The following SPMIP2 variants were observed in gnomAD, a reference collection of about 807,000 sequenced individuals.
SPMIP2 encodes the protein protein SPMIP2.
chr4:158,953,238 C>T, the SPMIP2 span, among the ~76,000 whole-genome samples: 3 of 152,154 alleles, frequency 2.0e-5, no homozygotes, highest in Non-Finnish European at 4.4e-5. Context: ...GCCCAGGGTC[C>T]CTGTGCTGTG....
the SPMIP2 span, among the ~76,000 whole-genome samples, chr4:159,082,636 C>T: frequency 6.6e-6 from 1 of 151,798 alleles, no homozygotes; most frequent in Non-Finnish European, 1.5e-5. Context: ...AAATATTAAG[C>T]AATTTTAGAA....
At chr4:158,990,781 T>C in the SPMIP2 span, among the ~76,000 whole-genome samples, 2 of 152,154 alleles carry the variant, frequency 1.3e-5, no homozygotes, top group Admixed American at 6.5e-5. Context: ...AAATACCTAA[T>C]GTAGATGATG....
At chr4:159,043,957 A>C in the SPMIP2 span, among the ~76,000 whole-genome samples, 4 of 152,232 alleles carry the variant, frequency 2.6e-5, no homozygotes, top group Admixed American at 2.0e-4. Flanking sequence ...ATAACATAAA[A>C]ACAGCTCTTA....
chr4:158,916,289 G>T, the SPMIP2 span, among the ~76,000 whole-genome samples: 1 of 152,132 alleles, frequency 6.6e-6, no homozygotes, highest in Non-Finnish European at 1.5e-5. Context: ...GGAAGTACTA[G>T]GAAAAAAAAT....
At chr4:158,929,457 C>A in the SPMIP2 span, among the ~76,000 whole-genome samples, 746 of 152,280 alleles carry the variant, frequency 4.9e-3, 3 homozygotes, top group South Asian at 0.02. Context: ...TCTATTTCTT[C>A]ATGCTTGCTT....
the SPMIP2 span, among the ~76,000 whole-genome samples, chr4:159,071,566 T>C: frequency 6.6e-6 from 1 of 152,076 alleles, no homozygotes; most frequent in Non-Finnish European, 1.5e-5. Flanking sequence ...TGAAAGAAAA[T>C]GAAGCAAGTA....
At chr4:158,901,999 A>AACTC in the SPMIP2 span, among the ~76,000 whole-genome samples, 1 of 151,918 alleles carries the variant, frequency 6.6e-6, no homozygotes, top group Non-Finnish European at 1.5e-5. Flanking sequence ...CAATTCATCA[A>AACTC]ACTCAATTCT....
the SPMIP2 span, among the ~76,000 whole-genome samples, chr4:159,080,144 G>A: frequency 4.6e-5 from 7 of 151,994 alleles, no homozygotes; most frequent in Non-Finnish European, 2.9e-5. Context: ...TTTTTCTCTC[G>A]CCTCTAGAAG....
At chr4:158,971,399 A>C in the SPMIP2 span, among the ~76,000 whole-genome samples, 3 of 152,214 alleles carry the variant, frequency 2.0e-5, no homozygotes, top group Admixed American at 2.0e-4. Flanking sequence ...CTAAGCATTC[A>C]TTATACTCAG....
the SPMIP2 span, among the ~76,000 whole-genome samples, chr4:158,898,967 T>C: frequency 6.6e-6 from 1 of 152,212 alleles, no homozygotes; most frequent in Non-Finnish European, 1.5e-5. Context: ...CAGTATGATA[T>C]TGGCTGTGGG....
chr4:159,018,483 T>G, the SPMIP2 span, among the ~76,000 whole-genome samples: 1 of 152,212 alleles, frequency 6.6e-6, no homozygotes, highest in South Asian at 2.1e-4. Context: ...AGTTTGCACT[T>G]TACATAATTT....
chr4:158,896,851 T>TTA, the SPMIP2 span, among the ~76,000 whole-genome samples: 2 of 138,970 alleles, frequency 1.4e-5, no homozygotes, highest in South Asian at 2.3e-4. Context: ...GTTTTTTTTT[T>TTA]ATTATTATTA....
the SPMIP2 span, among the ~76,000 whole-genome samples, chr4:159,050,046 G>A: frequency 1.3e-5 from 2 of 152,254 alleles, no homozygotes; most frequent in Middle Eastern, 3.4e-3. Context: ...AAAGGTGCCC[G>A]TTAGTGTCAA....
chr4:158,954,110 G>C, the SPMIP2 span, among the ~76,000 whole-genome samples: 1 of 152,080 alleles, frequency 6.6e-6, no homozygotes, highest in Non-Finnish European at 1.5e-5. Context: ...AGATTTGGAG[G>C]GGCCAGGGGC....
chr4:158,993,950 G>C, the SPMIP2 span, among the ~76,000 whole-genome samples: 1 of 152,190 alleles, frequency 6.6e-6, no homozygotes. Context: ...TTCCTAATCT[G>C]ACCATAATAC....
the SPMIP2 span, among the ~76,000 whole-genome samples, chr4:159,044,942 A>T: frequency 6.6e-6 from 1 of 152,126 alleles, no homozygotes; most frequent in African/African-American, 2.4e-5. Context: ...AAATACAAAA[A>T]TTGGTCAGTG....
chr4:158,977,708 G>A, the SPMIP2 span, among the ~76,000 whole-genome samples: 916 of 145,808 alleles, frequency 6.3e-3, 5 homozygotes, highest in Non-Finnish European at 0.011. Flanking sequence ...TCTGCCTCCC[G>A]GGTTCACGCC....
At chr4:159,037,965 TTC>T in the SPMIP2 span, among the ~76,000 whole-genome samples, 134 of 151,406 alleles carry the variant, frequency 8.9e-4, 2 homozygotes, top group Non-Finnish European at 1.6e-3. Flanking sequence ...GTAAAGATAT[TTC>T]TCTCTCTCTC....
chr4:159,004,527 G>A, the SPMIP2 span, among the ~76,000 whole-genome samples: 1 of 152,086 alleles, frequency 6.6e-6, no homozygotes, highest in East Asian at 1.9e-4. Context: ...TTGACTTCAG[G>A]TAATCTGCCT....
Sources: allele counts gnomAD v4.1 joint callset (sites outside exome capture counted in the v4.1 genomes callset), GRCh38; gene constraint gnomAD v4.1.1; transcripts MANE v1.5; gene names NCBI Gene and HGNC (gene_info 2026-07-23, HGNC 2026-07-21).